Variants in NEDD9 observed in about 807,000 individuals in gnomAD.
The protein encoded by NEDD9 is enhancer of filamentation 1.
NEDD9 carries 26 observed loss-of-function variants against 76.6 expected under a neutral mutation model. The observed-to-expected ratio is 0.34, with a 90% CI of 0.25 to 0.47. The LOEUF (loss-of-function observed/expected upper bound fraction) is 0.47, where lower values mean the gene tolerates loss of function less well. Ranked by LOEUF, NEDD9 falls within the 20% of genes least tolerant of loss-of-function variation. The pLI is 1.00. For missense variants in NEDD9, 937 were observed against 1,058.5 expected (o/e 0.89, Z 1.59); for synonymous variants, 392 against 414.2 (o/e 0.95, Z 0.65).
At chr6:11,271,029 A>G (rs1419461600) in intron 3 of NEDD9, among the ~76,000 whole-genome samples, 1 of 152,086 alleles carries the variant, frequency 6.6e-6, no homozygotes, top group Non-Finnish European at 1.5e-5. Context: ...CTTCAAGTTC[A>G]GATTCCTTTA....
At chr6:11,277,018 G>A (rs1409430540) in intron 3 of NEDD9, among the ~76,000 whole-genome samples, 2 of 152,210 alleles carry the variant, frequency 1.3e-5, no homozygotes, top group Non-Finnish European at 2.9e-5. Context: ...CCAAGGCAGC[G>A]AAGCAAGTGT....
intron 3 of NEDD9, among the ~76,000 whole-genome samples, chr6:11,275,426 A>G (rs1044127831): frequency 6.6e-6 from 1 of 152,222 alleles, no homozygotes; most frequent in African/African-American, 2.4e-5. Flanking sequence ...AAAAAATGAT[A>G]TATGTCAGCT....
At chr6:11,341,559 C>T (rs1440441965) in intron 1 of NEDD9, among the ~76,000 whole-genome samples, 3 of 152,168 alleles carry the variant, frequency 2.0e-5, no homozygotes, top group African/African-American at 7.2e-5. Flanking sequence ...TTGAGAAGTT[C>T]TGGGTGTAAA....
Position 11,213,402 on chromosome 6 carries a change from T to C in NEDD9, c.338A>G (p.Gln113Arg). Residue 113 changes from glutamine (Q) to arginine (R), a missense_variant, in exon 2 of 7, where the codon CAA becomes CGA. Physicochemically the swap from Gln to Arg is conservative, Grantham distance 43. Coordinates refer to ENST00000379446, the MANE Select transcript of NEDD9 (RefSeq NM_006403.4). This position sits in a 1 kb window ranked among gnomAD's most constrained non-coding sequence, Gnocchi z 5.4. ...DTIYQVPPSY[Q>R]NQGIYQVPTG... ...GGGGACTTGGTAAATTCCCTGATTT[T>C]GGTAGGAAGGTGGCACTTGGTAGAT... The C allele has an allele frequency of 1.2e-6, 2 of 1,613,938 alleles. No homozygotes were observed. Among genetic ancestry groups the C allele is most frequent in the Non-Finnish European group, 1.7e-6 (2 of 1,179,998 alleles).
At chr6:11,311,147 C>G (rs1180966587) in intron 2 of NEDD9, among the ~76,000 whole-genome samples, 2 of 152,136 alleles carry the variant, frequency 1.3e-5, no homozygotes, top group African/African-American at 4.8e-5. Context: ...GGCCTTCATC[C>G]AGGCAGGGCA....
intron 1 of NEDD9, among the ~76,000 whole-genome samples, chr6:11,379,047 G>A (rs1470145289): frequency 1.3e-5 from 2 of 152,186 alleles, no homozygotes; most frequent in East Asian, 3.8e-4. Context: ...GACCAAAAAA[G>A]CCTGTAGCTA....
At chr6:11,267,617 A>G (rs752302376) in intron 3 of NEDD9, among the ~76,000 whole-genome samples, 6 of 152,198 alleles carry the variant, frequency 3.9e-5, no homozygotes, top group Non-Finnish European at 7.3e-5. Flanking sequence ...TTCAACAACA[A>G]TCCTAGGGAA....
chr6:11,367,472 T>A (rs2113564380), intron 1 of NEDD9, among the ~76,000 whole-genome samples: 1 of 152,324 alleles, frequency 6.6e-6, no homozygotes, highest in South Asian at 2.1e-4. Flanking sequence ...GAAAGGAAAT[T>A]TGATCAGTCT....
chr6:11,286,566 C>T (rs1581999056), intron 3 of NEDD9, among the ~76,000 whole-genome samples: 1 of 152,212 alleles, frequency 6.6e-6, no homozygotes, highest in African/African-American at 2.4e-5. Flanking sequence ...GGGAACAAAC[C>T]AAATATCTAT....
chr6:11,319,042 G>A (rs965281381), intron 2 of NEDD9, among the ~76,000 whole-genome samples: 1 of 152,202 alleles, frequency 6.6e-6, no homozygotes, highest in Middle Eastern at 3.2e-3. Context: ...TTTCTGCCTT[G>A]TTTTTATAAT....
In NEDD9 at chr6:11,356,358, G is replaced by A. The variant is rs116452231; in HGVS notation, c.-213-21797C>T. Reference sequence around the variant, plus strand: ...TCCGTTGGAATTGGGTGGAGCCAGGGATCTGTATTTTTACAAAATCTTTGC... The same window carrying A: ...TCCGTTGGAATTGGGTGGAGCCAGGAATCTGTATTTTTACAAAATCTTTGC... On this transcript the variant is annotated intron_variant, in intron 1 of 3. Coordinates refer to the NEDD9 transcript ENST00000397378. Among the ~76,000 whole-genome samples the A allele has an allele frequency of 5.7e-3, 863 of 152,262 alleles. 9 individuals are homozygous for A. The highest frequency in any genetic ancestry group is 0.02 in the African/African-American group (814 of 41,532).
intron 2 of NEDD9, among the ~76,000 whole-genome samples, chr6:11,331,510 C>T (rs1017702604): frequency 2.6e-5 from 4 of 151,866 alleles, no homozygotes; most frequent in South Asian, 2.1e-4. Flanking sequence ...TTTATCCCAA[C>T]GCTAAAGGGT....
rs1407232278 is a variant in NEDD9 at position 11,185,362 on chromosome 6, C to T, written c.2305G>A (p.Ala769Thr). Reference protein sequence around the residue: ...IGDTLTRQVTAQDIRNKVMNS... With the variant: ...IGDTLTRQVTTQDIRNKVMNS... ...ATGACTTTGTTGCGAATGTCCTGGG[C>T]AGTCACCTGCCGTGTCAGCGTGTCT... The change falls in exon 7 of 7, where the codon GCC becomes ACC. Residue 769 changes from alanine (A) to threonine (T), a missense_variant. Physicochemically the swap from Ala to Thr is moderately conservative, Grantham distance 58. Transcript: ENST00000379446. The T allele has an allele frequency of 1.2e-6, 2 of 1,614,228 alleles. No individual in the cohort carries two copies. Among genetic ancestry groups the T allele is most frequent in the East Asian group, 4.5e-5 (2 of 44,892 alleles).
intron 1 of NEDD9, among the ~76,000 whole-genome samples, chr6:11,361,774 C>T (rs181823482): frequency 2.6e-5 from 4 of 152,178 alleles, no homozygotes; most frequent in Admixed American, 1.3e-4. Flanking sequence ...AATCTAATTG[C>T]GACCCTAAAG....
At chr6:11,194,589 A>G (rs180883287) in intron 2 of NEDD9, among the ~76,000 whole-genome samples, 44 of 152,298 alleles carry the variant, frequency 2.9e-4, no homozygotes, top group African/African-American at 9.9e-4. Context: ...TAACGTATCA[A>G]ACAAACAAAA....
At chr6:11,361,975 T>C (rs1034684045) in intron 1 of NEDD9, among the ~76,000 whole-genome samples, 3 of 152,072 alleles carry the variant, frequency 2.0e-5, no homozygotes, top group Non-Finnish European at 4.4e-5. Flanking sequence ...GGAGATTGCA[T>C]AGAAGAAAAA....
intron 2 of NEDD9, among the ~76,000 whole-genome samples, chr6:11,333,451 T>C (rs4713432): frequency 0.7 from 107,062 of 152,174 alleles, 38,619 homozygotes; most frequent in African/African-American, 0.86. Flanking sequence ...TTCACCTCAG[T>C]TGGATTTATT....
chr6:11,202,362 A>C (rs1758476780), intron 2 of NEDD9, among the ~76,000 whole-genome samples: 1 of 152,244 alleles, frequency 6.6e-6, no homozygotes, highest in Admixed American at 6.5e-5. Context: ...AAGCATTAAC[A>C]GAGCTACCAC....
intron 1 of NEDD9, among the ~76,000 whole-genome samples, chr6:11,228,528 T>G (rs1335439260): frequency 3.4e-5 from 5 of 146,588 alleles, no homozygotes; most frequent in African/African-American, 1.3e-4. Flanking sequence ...AGACTTGATC[T>G]CAAAAAAAGA....
Sources: gnomAD v4.1 joint callset for allele counts (sites outside exome capture counted in the v4.1 genomes callset) on GRCh38, gnomAD v4.1.1 for gene constraint, Gnocchi (gnomAD v3.1) non-coding constraint, MANE v1.5 for transcripts, NCBI Gene and HGNC (gene_info 2026-07-23, HGNC 2026-07-21) for gene names.